The following USP34 variants were observed in gnomAD, a reference collection of about 807,000 sequenced individuals.
USP34 encodes ubiquitin carboxyl-terminal hydrolase 34.
USP34 carries 70 observed loss-of-function variants against 460.3 expected under a neutral mutation model. The ratio of observed to expected loss-of-function variants is 0.15; its 90% CI spans 0.13 to 0.19. The LOEUF is 0.19. Ranked by LOEUF, USP34 falls within the 10% of genes least tolerant of loss-of-function variation. The pLI is 1.00. For missense variants in USP34, 3,985 were observed against 4,236.2 expected, an observed-to-expected ratio of 0.94 and a Z score of 1.65; for synonymous variants, 1,647 against 1,405.3, an observed-to-expected ratio of 1.17 and a Z score of -3.85.
chr2:61,251,562 C>G (rs1360731062), intron 48 of USP34, among the ~76,000 whole-genome samples: 1 of 152,188 alleles, frequency 6.6e-6, no homozygotes, highest in Non-Finnish European at 1.5e-5. Context: ...TCTTCATCCT[C>G]TGATTATTAG....
intron 1 of USP34, among the ~76,000 whole-genome samples, chr2:61,456,483 G>A (rs765051448): frequency 6.6e-5 from 10 of 152,178 alleles, no homozygotes; most frequent in African/African-American, 9.7e-5. Context: ...GTTTAAGTAC[G>A]TGATGTCCAA....
At chr2:61,328,332 A>T (rs1049871945) in intron 20 of USP34, among the ~76,000 whole-genome samples, 1 of 151,904 alleles carries the variant, frequency 6.6e-6, no homozygotes, top group Non-Finnish European at 1.5e-5. Context: ...AAAAAAAATA[A>T]TATAAAATCA....
chr2:61,464,243 A>G (rs898950756), intron 1 of USP34, among the ~76,000 whole-genome samples: 4 of 151,998 alleles, frequency 2.6e-5, no homozygotes, highest in Non-Finnish European at 4.4e-5. Flanking sequence ...CACTTGAAGC[A>G]AGGAGGTGGA....
intron 58 of USP34, among the ~76,000 whole-genome samples, chr2:61,231,110 A>G (rs1021342718): frequency 1.8e-4 from 28 of 152,254 alleles, no homozygotes; most frequent in Admixed American, 1.4e-3. Flanking sequence ...ATAAATCCTG[A>G]AAAGATTGTT....
At chr2:61,378,630 G>C (rs1466112300) in intron 7 of USP34, among the ~76,000 whole-genome samples, 1 of 151,870 alleles carries the variant, frequency 6.6e-6, no homozygotes, top group Non-Finnish European at 1.5e-5. Flanking sequence ...TAATGGCCAG[G>C]CGCAGCGGCT....
At chr2:61,412,105 C>T (rs1178805235) in intron 2 of USP34, among the ~76,000 whole-genome samples, 1 of 149,970 alleles carries the variant, frequency 6.7e-6, no homozygotes, top group African/African-American at 2.5e-5. Context: ...AGGAGAACCA[C>T]TTGAACCCAG....
chr2:61,390,193 T>C (rs1693299226), intron 5 of USP34, among the ~76,000 whole-genome samples: 1 of 152,208 alleles, frequency 6.6e-6, no homozygotes, highest in Admixed American at 6.6e-5. Context: ...TTTGCACTTC[T>C]TTCTACTCCA....
At chr2:61,274,246 C>G (rs1259671044) in intron 41 of USP34, among the ~76,000 whole-genome samples, 2 of 151,756 alleles carry the variant, frequency 1.3e-5, no homozygotes, top group Non-Finnish European at 2.9e-5. Context: ...AAAATTTAGC[C>G]AGGCATGGTG....
chr2:61,205,427 G>C (rs1224226255), intron 72 of USP34, among the ~76,000 whole-genome samples: 1 of 151,922 alleles, frequency 6.6e-6, no homozygotes, highest in African/African-American at 2.4e-5. Flanking sequence ...ACGTCAAGAC[G>C]GACTGCTTAT....
In USP34 at chr2:61,265,572, G is replaced by C. The variant is rs1179297125; in HGVS notation, c.5618-15C>G. On this transcript the variant is annotated splice_polypyrimidine_tract_variant and intron_variant, in intron 42 of 79. Transcript: ENST00000398571. ...AGGTGCATGGGCTGCTGAAGAAAGA[G>C]GGAGGAAAAGATCCCCCCCAAACAA... The C allele has an allele frequency of 9.5e-6, 15 of 1,576,152 alleles. No homozygotes were observed. Among genetic ancestry groups the C allele is most frequent in the Non-Finnish European group, 1.3e-5 (15 of 1,157,968 alleles).
rs1688063683 is a variant in USP34, at chr2:61,236,146, T to C, written c.6918+15A>G. Reference sequence around the variant, plus strand: ...AAATTTTGACAGAATTATTTAAAGTTCATATATTTATTACCTTTGCTGTCA... The same window carrying C: ...AAATTTTGACAGAATTATTTAAAGTCCATATATTTATTACCTTTGCTGTCA... On this transcript the variant is annotated intron_variant, in intron 55 of 79. Transcript: ENST00000398571. The C allele has an allele frequency of 6.2e-7, 1 of 1,602,308 alleles. No homozygotes were observed. Among genetic ancestry groups the C allele is most frequent in the African/African-American group, 1.3e-5 (1 of 74,144 alleles).
Position 61,265,858 on chromosome 2 carries a change from C to T in USP34, c.5617+126G>A, listed in dbSNP as rs144657349. 3.1e-4 allele frequency: 294 copies of T among 936,806 alleles called. 2 individuals are homozygous for T. In the East Asian group the frequency reaches 7.8e-3, roughly 25 times the overall value. 58.0% of individuals were successfully genotyped at this position (936,806 alleles called of 1,614,324 possible). A position where few individuals can be genotyped will look rare whatever the true frequency, so the allele number is the denominator to read the frequency against. ...TGTTTACTTTTTAACTTTAATAACA[C>T]CCTACCAATAATCATTTATAATGTT... On this transcript the variant is annotated intron_variant, in intron 42 of 79. Transcript: ENST00000398571.
intron 1 of USP34, among the ~76,000 whole-genome samples, chr2:61,458,046 C>T (rs1558606725): frequency 6.6e-6 from 1 of 152,122 alleles, no homozygotes; most frequent in Non-Finnish European, 1.5e-5. Context: ...TAAATAAACA[C>T]TGATCCTACC....
chr2:61,297,392 T>C (rs528632724), intron 29 of USP34, among the ~76,000 whole-genome samples: 1 of 152,360 alleles, frequency 6.6e-6, no homozygotes, highest in Admixed American at 6.5e-5. Context: ...GAACAGACGT[T>C]AAGAAGAAAG....
chr2:61,375,768 CAAAAAAAAAAAAA>C (rs56304309), intron 8 of USP34, among the ~76,000 whole-genome samples: 5 of 80,886 alleles, frequency 6.2e-5, no homozygotes, highest in African/African-American at 1.7e-4. Context: ...GACTCTGTCT[CAAAAAAAAAAAAA>C]AAAAAAAAAA....
intron 8 of USP34, among the ~76,000 whole-genome samples, chr2:61,376,115 G>T (rs59366256): frequency 6.6e-6 from 1 of 152,046 alleles, no homozygotes; most frequent in African/African-American, 2.4e-5. Context: ...AAATGTTCTA[G>T]AATTGGACTG....
intron 41 of USP34, among the ~76,000 whole-genome samples, chr2:61,267,707 G>C (rs559768949): frequency 1.3e-5 from 2 of 151,940 alleles, no homozygotes; most frequent in Non-Finnish European, 2.9e-5. Flanking sequence ...TCCACCTCCC[G>C]GGTTCATGCC....
intron 16 of USP34, among the ~76,000 whole-genome samples, chr2:61,340,127 A>C (rs1480458855): frequency 6.6e-6 from 1 of 152,204 alleles, no homozygotes; most frequent in Non-Finnish European, 1.5e-5. Context: ...AAGTGTGAAT[A>C]AGACAACATA....
At chr2:61,248,818 G>T (rs1205035115) in intron 48 of USP34, 135 bp from the exon 49 acceptor site, 9 of 744,720 alleles carry the variant, frequency 1.2e-5, no homozygotes, top group African/African-American at 1.8e-5. Context: ...ATCCACAGGG[G>T]ATACCTTCTG....
Sources: gnomAD v4.1 joint callset for allele counts (sites outside exome capture counted in the v4.1 genomes callset) on GRCh38, gnomAD v4.1.1 for gene constraint, MANE v1.5 for transcripts, NCBI Gene and HGNC (gene_info 2026-07-23, HGNC 2026-07-21) for gene names.